Variants in RAD54L2 observed in about 807,000 individuals in gnomAD.
RAD54L2 encodes the protein helicase ARIP4.
A neutral mutation model predicts 138.4 loss-of-function variants in RAD54L2; 27 were observed. The observed-to-expected ratio is 0.20, with a 90% CI of 0.14 to 0.27. The LOEUF (loss-of-function observed/expected upper bound fraction) is 0.27. Ranked by LOEUF, RAD54L2 falls within the 10% of genes least tolerant of loss-of-function variation. The pLI, the probability that RAD54L2 is intolerant of heterozygous loss-of-function variation, is 1.00. For missense variants in RAD54L2, 1,396 were observed against 1,890.2 expected (o/e 0.74, Z 4.85); for synonymous variants, 644 against 723.2 (o/e 0.89, Z 1.76).
At chr3:51,658,706 G>A (rs1308430753) in intron 21 of RAD54L2, among the ~76,000 whole-genome samples, 1 of 152,114 alleles carries the variant, frequency 6.6e-6, no homozygotes, top group African/African-American at 2.4e-5. Context: ...TAGGGAAAAA[G>A]TGCCATGAAA....
At chr3:51,553,772 C>T (rs1328967280) in intron 2 of RAD54L2, among the ~76,000 whole-genome samples, 1 of 152,098 alleles carries the variant, frequency 6.6e-6, no homozygotes, top group Non-Finnish European at 1.5e-5. Flanking sequence ...TTCGAGTCAG[C>T]AGTATGCTAT....
chr3:51,539,212 G>C (rs1553670776), intron 1 of RAD54L2, among the ~76,000 whole-genome samples: 1 of 152,164 alleles, frequency 6.6e-6, no homozygotes, highest in Non-Finnish European at 1.5e-5. Context: ...GCCCCTCTGC[G>C]CTTTTGGCTC....
intron 3 of RAD54L2, among the ~76,000 whole-genome samples, chr3:51,620,954 T>C (rs1700557044): frequency 6.6e-6 from 1 of 152,150 alleles, no homozygotes; most frequent in Admixed American, 6.5e-5. Flanking sequence ...GAAGGGCTAT[T>C]TTTTGGAAGT....
chr3:51,600,389 A>G (rs1700054746), intron 3 of RAD54L2, among the ~76,000 whole-genome samples: 1 of 152,196 alleles, frequency 6.6e-6, no homozygotes, highest in Non-Finnish European at 1.5e-5. Context: ...CCAAGGCAGG[A>G]GAATCCCTTG....
chr3:51,611,716 G>A (rs1577424306), intron 3 of RAD54L2, among the ~76,000 whole-genome samples: 1 of 151,966 alleles, frequency 6.6e-6, no homozygotes, highest in Middle Eastern at 3.4e-3. Context: ...CAGCCACCAC[G>A]CCCGGCTAAT....
intron 3 of RAD54L2, among the ~76,000 whole-genome samples, chr3:51,617,833 T>A (rs906650082): frequency 6.6e-6 from 1 of 152,246 alleles, no homozygotes; most frequent in Non-Finnish European, 1.5e-5. Flanking sequence ...GAGTGAGCCA[T>A]GATTGTGCCA....
chr3:51,568,411 C>CT (rs1210159456), intron 2 of RAD54L2, among the ~76,000 whole-genome samples: 1 of 152,150 alleles, frequency 6.6e-6, no homozygotes, highest in African/African-American at 2.4e-5. Flanking sequence ...TGTTTAATAA[C>CT]TACTTGTTGA....
Position 51,580,263 on chromosome 3 carries a change from G to A in RAD54L2, c.-54-10104G>A, listed in dbSNP as rs1424282399. Among the ~76,000 whole-genome samples, 3 of 152,140 alleles carry A rather than the reference G, an allele frequency of 2.0e-5. No homozygotes were observed. The East Asian group carries it at 5.8e-4, about 29-fold the overall frequency. On this transcript the variant is annotated intron_variant, in intron 2 of 22. Transcript: ENST00000684192. ...TTAGGTTTACCTGTTTCTCATAAAG[G>A]ATACAACTCAGGAACGGTGAAGTGG...
chr3:51,581,749 C>T (rs1230857422), intron 2 of RAD54L2, among the ~76,000 whole-genome samples: 1 of 152,126 alleles, frequency 6.6e-6, no homozygotes, highest in Non-Finnish European at 1.5e-5. Flanking sequence ...GGATGAGACA[C>T]TGAGCATGGC....
Position 51,570,205 on chromosome 3 carries a change from G to A in RAD54L2, c.-54-20162G>A, listed in dbSNP as rs530887564. ...CTTACCCAGGCTGGAGTGCAGTGGC[G>A]CGATCTCAGCTCACTGCAGCGTCTG... On this transcript the variant is annotated intron_variant, in intron 2 of 22. Coordinates refer to ENST00000684192, the MANE Select transcript of RAD54L2 (RefSeq NM_015106.4). Among the ~76,000 whole-genome samples, 41 of 145,320 alleles carry A rather than the reference G, an allele frequency of 2.8e-4. 1 individual carries two copies. In the South Asian group the frequency reaches 6.6e-3, roughly 23 times the overall value.
intron 2 of RAD54L2, among the ~76,000 whole-genome samples, chr3:51,576,340 A>G (rs1699481170): frequency 6.6e-6 from 1 of 152,144 alleles, no homozygotes. Context: ...AGGCTTTGGT[A>G]TCAGGATGAT....
chr3:51,646,824 G>T (rs1701291554), intron 19 of RAD54L2, among the ~76,000 whole-genome samples: 1 of 152,188 alleles, frequency 6.6e-6, no homozygotes. Flanking sequence ...GCCTCACTTA[G>T]AAGTGGTGTT....
chr3:51,583,873 C>A (rs1357818108), intron 2 of RAD54L2, among the ~76,000 whole-genome samples: 1 of 149,470 alleles, frequency 6.7e-6, no homozygotes, highest in Non-Finnish European at 1.5e-5. Flanking sequence ...ACTGGGGTAG[C>A]CTCTTGAGCC....
chr3:51,584,630 CTATATA>C (rs139603411), intron 2 of RAD54L2, among the ~76,000 whole-genome samples: 1 of 140,004 alleles, frequency 7.1e-6, no homozygotes, highest in Non-Finnish European at 1.6e-5. Flanking sequence ...CTCTACAGTA[CTATATA>C]TATATATATA....
intron 15 of RAD54L2, 86 bp from the exon 16 acceptor site, chr3:51,643,789 G>T (rs1267359564): frequency 4.9e-6 from 5 of 1,012,890 alleles, no homozygotes; most frequent in African/African-American, 1.6e-5. Context: ...TATTTGTTTT[G>T]CTCTTTAAAA....
At chr3:51,602,482 A>T (rs1242226880) in intron 3 of RAD54L2, among the ~76,000 whole-genome samples, 1 of 152,182 alleles carries the variant, frequency 6.6e-6, no homozygotes, top group Non-Finnish European at 1.5e-5. Flanking sequence ...GACTTTGTCA[A>T]ATGTGTTAGT....
chr3:51,576,750 A>T (rs541297342), intron 2 of RAD54L2, among the ~76,000 whole-genome samples: 1 of 151,646 alleles, frequency 6.6e-6, no homozygotes, highest in South Asian at 2.1e-4. Flanking sequence ...CTTCTTTATT[A>T]TTCTTGTTAG....
intron 3 of RAD54L2, among the ~76,000 whole-genome samples, chr3:51,610,470 A>T (rs559767717): frequency 6.6e-6 from 1 of 151,138 alleles, no homozygotes; most frequent in Non-Finnish European, 1.5e-5. Flanking sequence ...TGGGCGTGCT[A>T]GCAGGCACCT....
chr3:51,557,222 C>A (rs111332029), intron 2 of RAD54L2, among the ~76,000 whole-genome samples: 1 of 132,244 alleles, frequency 7.6e-6, no homozygotes, highest in Non-Finnish European at 1.5e-5. Flanking sequence ...CAGGGTCTCA[C>A]TCTGTTGCCC....
Sources: allele counts gnomAD v4.1 joint callset (sites outside exome capture counted in the v4.1 genomes callset), GRCh38; gene constraint gnomAD v4.1.1; transcripts MANE v1.5; gene names NCBI Gene and HGNC (gene_info 2026-07-23, HGNC 2026-07-21).